Variants in ESR1 observed in about 807,000 individuals in gnomAD.
ESR1 encodes estrogen receptor 1, also known as estrogen receptor.
A neutral mutation model predicts 52.7 loss-of-function variants in ESR1; 12 were observed. The ratio of observed to expected loss-of-function variants is 0.23; its 90% CI spans 0.15 to 0.37. The LOEUF (loss-of-function observed/expected upper bound fraction) is 0.37. Ranked by LOEUF, ESR1 falls within the 10% of genes least tolerant of loss-of-function variation. The pLI is 1.00. For synonymous variants in ESR1, 305 were observed against 316.8 expected (o/e 0.96, Z 0.39); for missense variants, 584 against 779.7 (o/e 0.75, Z 2.99).
intron 4 of ESR1, among the ~76,000 whole-genome samples, chr6:152,008,203 T>C (rs1205126525): frequency 6.6e-6 from 1 of 152,086 alleles, no homozygotes; most frequent in Non-Finnish European, 1.5e-5. Context: ...TCACATTCAT[T>C]GAGAAGGTTA....
chr6:152,080,308 C>A (rs1181423351), intron 6 of ESR1, among the ~76,000 whole-genome samples: 1 of 151,920 alleles, frequency 6.6e-6, no homozygotes, highest in Non-Finnish European at 1.5e-5. Flanking sequence ...AGAAACCCTA[C>A]AAGCCAGAAG....
chr6:151,826,902 G>C (rs1781593776), intron 1 of ESR1, among the ~76,000 whole-genome samples: 1 of 152,174 alleles, frequency 6.6e-6, no homozygotes, highest in South Asian at 2.1e-4. Context: ...GAATAAGGGA[G>C]GGAATAGTAC....
At chr6:151,980,108 AT>A (rs1196495802) in intron 4 of ESR1, among the ~76,000 whole-genome samples, 1 of 152,184 alleles carries the variant, frequency 6.6e-6, no homozygotes, top group Non-Finnish European at 1.5e-5. Flanking sequence ...TTTCAAAAAG[AT>A]TCTTAGGGAA....
chr6:151,754,641 C>T (rs1456789586), intron 2 of ESR1, among the ~76,000 whole-genome samples: 2 of 152,158 alleles, frequency 1.3e-5, no homozygotes, highest in African/African-American at 2.4e-5. Context: ...TCCCTCGACC[C>T]GGCTTCCAAC....
intron 3 of ESR1, 110 bp from the exon 4 acceptor site, chr6:151,944,063 G>A: frequency 1.1e-6 from 1 of 887,298 alleles, no homozygotes; most frequent in South Asian, 1.6e-5. Flanking sequence ...ACCTGTGCTT[G>A]AAAGTATTTC....
intron 5 of ESR1, among the ~76,000 whole-genome samples, chr6:152,047,122 C>T (rs1027404817): frequency 1.3e-5 from 2 of 152,020 alleles, no homozygotes; most frequent in Non-Finnish European, 2.9e-5. Context: ...CTAAAATTGC[C>T]CCCTACTTGC....
chr6:151,803,088 CTA>C (rs1777426866), upstream of ESR1, among the ~76,000 whole-genome samples: 1 of 151,996 alleles, frequency 6.6e-6, no homozygotes, highest in Admixed American at 6.6e-5. Flanking sequence ...TTTTAAGTAT[CTA>C]TATCAATAAA....
chr6:151,734,898 T>C (rs1442320988), intron 2 of ESR1, among the ~76,000 whole-genome samples: 1 of 152,018 alleles, frequency 6.6e-6, no homozygotes, highest in East Asian at 1.9e-4. Context: ...CTGGCATTAC[T>C]GGCATGAAAC....
chr6:151,703,671 C>T (rs539863349), intron 2 of ESR1, among the ~76,000 whole-genome samples: 3 of 152,206 alleles, frequency 2.0e-5, no homozygotes, highest in Admixed American at 1.3e-4. Flanking sequence ...AATATAGAAA[C>T]GAGTCTTCCA....
At chr6:151,929,269 T>TATTTATG (rs2128480966) in intron 3 of ESR1, among the ~76,000 whole-genome samples, 1 of 152,340 alleles carries the variant, frequency 6.6e-6, no homozygotes, top group African/African-American at 2.4e-5. Context: ...TATATACACA[T>TATTTATG]ATTTATGATT....
chr6:151,778,382 C>T (rs989075962), intron 2 of ESR1, among the ~76,000 whole-genome samples: 16 of 151,144 alleles, frequency 1.1e-4, no homozygotes, highest in South Asian at 6.3e-4. Flanking sequence ...AAAAATCATG[C>T]ATTTTATGTT....
chr6:151,951,104 C>G (rs1351392554), intron 4 of ESR1, among the ~76,000 whole-genome samples: 1 of 152,088 alleles, frequency 6.6e-6, no homozygotes, highest in Non-Finnish European at 1.5e-5. Context: ...CAGTTTCATG[C>G]ATCTACCTCA....
intron 4 of ESR1, among the ~76,000 whole-genome samples, chr6:151,956,863 A>ATATATATATATATATAT (rs1175773832): frequency 1.9e-5 from 1 of 53,904 alleles, no homozygotes; most frequent in African/African-American, 4.8e-5. Flanking sequence ...TATATATATA[A>ATATATATATATATATAT]ATATATATAT....
chr6:151,954,679 C>G (rs1352718171), intron 4 of ESR1, among the ~76,000 whole-genome samples: 1 of 152,178 alleles, frequency 6.6e-6, no homozygotes, highest in East Asian at 1.9e-4. Context: ...TGCATATTTT[C>G]AAACTAGGTA....
At chr6:151,714,818 G>C (rs1276239364) in intron 2 of ESR1, among the ~76,000 whole-genome samples, 1 of 151,990 alleles carries the variant, frequency 6.6e-6, no homozygotes, top group African/African-American at 2.4e-5. Flanking sequence ...CTTTTAACTG[G>C]GGCATTTAAC....
chr6:151,698,938 C>T (rs994148944), intron 1 of ESR1, among the ~76,000 whole-genome samples: 1 of 152,134 alleles, frequency 6.6e-6, no homozygotes, highest in Non-Finnish European at 1.5e-5. Context: ...CATATAGCTC[C>T]TTCACATGTC....
At chr6:152,074,242 A>G (rs901176251) in intron 6 of ESR1, among the ~76,000 whole-genome samples, 1 of 152,092 alleles carries the variant, frequency 6.6e-6, no homozygotes, top group African/African-American at 2.4e-5. Context: ...TGCTCCTCCT[A>G]TTCATTCCTC....
At chr6:151,686,064 A>ATTTTTTTTTTTTTTTTTTT (rs557270210), upstream of ESR1, among the ~76,000 whole-genome samples, 66 of 114,324 alleles carry the variant, frequency 5.8e-4, 1 homozygote, top group African/African-American at 2.7e-3. Context: ...AATTAAAACA[A>ATTTTTTTTTTTTTTTTTTT]TTTTTTTTTT....
intron 3 of ESR1, among the ~76,000 whole-genome samples, chr6:151,924,189 C>T (rs916072840): frequency 1.3e-5 from 2 of 152,076 alleles, no homozygotes; most frequent in Non-Finnish European, 2.9e-5. Context: ...ATTACAGGCG[C>T]CTGCCACCAT....
Sources: gnomAD v4.1 joint callset for allele counts (sites outside exome capture counted in the v4.1 genomes callset) on GRCh38, gnomAD v4.1.1 for gene constraint, MANE v1.5 for transcripts, NCBI Gene and HGNC (gene_info 2026-07-23, HGNC 2026-07-21) for gene names.